Variants in CCSER1 observed in about 807,000 individuals in gnomAD.
CCSER1 encodes the protein coiled-coil serine rich protein 1.
Under a neutral mutation model 82.0 loss-of-function variants are expected in CCSER1, and 41 were observed. That is an observed-to-expected ratio of 0.50 (90% CI 0.39 to 0.65). The LOEUF is 0.65. Ranked by LOEUF, CCSER1 falls within the 30% of genes least tolerant of loss-of-function variation. CCSER1 has a pLI of 0.00. For synonymous variants in CCSER1, 414 were observed against 383.9 expected (o/e 1.08, Z -0.92); for missense variants, 1,119 against 1,064.2 (o/e 1.05, Z -0.72).
intron 9 of CCSER1, among the ~76,000 whole-genome samples, chr4:90,975,402 A>G (rs1735517803): frequency 6.6e-6 from 1 of 151,402 alleles, no homozygotes. Flanking sequence ...TTTACTATCT[A>G]TTGTACATAA....
chr4:91,517,673 C>G (rs200723348), intron 10 of CCSER1, among the ~76,000 whole-genome samples: 1 of 32,142 alleles, frequency 3.1e-5, no homozygotes, highest in Non-Finnish European at 6.7e-5. Context: ...CTAGTGCATT[C>G]ATTTGGAAGA....
intron 10 of CCSER1, among the ~76,000 whole-genome samples, chr4:91,144,938 T>G (rs1729403367): frequency 6.6e-6 from 1 of 152,096 alleles, no homozygotes; most frequent in Non-Finnish European, 1.5e-5. Flanking sequence ...CATTGTTTGA[T>G]TTTAGGTGGA....
chr4:90,405,402 G>A (rs992686325), intron 4 of CCSER1, among the ~76,000 whole-genome samples: 2 of 152,202 alleles, frequency 1.3e-5, no homozygotes, highest in East Asian at 3.9e-4. Flanking sequence ...GTGTTCCTGG[G>A]GCAGAAGAGA....
intron 7 of CCSER1, among the ~76,000 whole-genome samples, chr4:90,745,992 G>A (rs963595292): frequency 6.6e-6 from 1 of 151,944 alleles, no homozygotes; most frequent in Non-Finnish European, 1.5e-5. Context: ...GAGCCACCAC[G>A]CCCGGCCTCT....
At chr4:90,262,591 T>A in intron 1 of CCSER1, among the ~76,000 whole-genome samples, 1 of 152,208 alleles carries the variant, frequency 6.6e-6, no homozygotes, top group East Asian at 1.9e-4. Flanking sequence ...CGGGTAGGAA[T>A]CAGTTGTTGC....
chr4:91,488,060 A>AT (rs1408396511), intron 10 of CCSER1, among the ~76,000 whole-genome samples: 1 of 152,048 alleles, frequency 6.6e-6, no homozygotes, highest in Non-Finnish European at 1.5e-5. Context: ...AAATAACTAA[A>AT]TTTTTCACAT....
intron 9 of CCSER1, among the ~76,000 whole-genome samples, chr4:90,959,830 T>A (rs1733891142): frequency 6.6e-6 from 1 of 151,962 alleles, no homozygotes; most frequent in South Asian, 2.1e-4. Flanking sequence ...GCACCTCTCT[T>A]CTTGCCTGTG....
At chr4:91,339,451 G>C (rs1033211047) in intron 10 of CCSER1, among the ~76,000 whole-genome samples, 9 of 151,960 alleles carry the variant, frequency 5.9e-5, no homozygotes, top group African/African-American at 2.2e-4. Context: ...AGTTAATATG[G>C]GGGGGTAGGG....
At position 90,746,761 on chromosome 4, in the gene CCSER1, T is replaced by A. The variant is rs183709163; in HGVS notation, c.2010+22770T>A. Among the ~76,000 whole-genome samples the A allele has an allele frequency of 1.5e-4, 23 of 152,362 alleles. No homozygotes were observed. In the East Asian group the frequency reaches 4.2e-3, roughly 28 times the overall value. ...TTCCATAACCAAGCACTGAAAGTTT[T>A]AGGTACTGAAAACTGTCTGTTTGCT... On this transcript the variant is annotated intron_variant, in intron 7 of 10. Coordinates refer to ENST00000509176, the MANE Select transcript of CCSER1 (RefSeq NM_001145065.2).
intron 1 of CCSER1, among the ~76,000 whole-genome samples, chr4:90,244,105 G>T (rs1260044891): frequency 2.0e-5 from 3 of 152,078 alleles, no homozygotes; most frequent in Non-Finnish European, 2.9e-5. Context: ...ATTAGAAAAC[G>T]AGTTTCTTAA....
chr4:90,567,732 A>G (rs1326461454), intron 5 of CCSER1, among the ~76,000 whole-genome samples: 1 of 150,990 alleles, frequency 6.6e-6, no homozygotes, highest in Admixed American at 6.6e-5. Context: ...TCAGCCTCCC[A>G]AAGAGCTGGG....
At chr4:90,336,001 G>C (rs1740323470) in intron 3 of CCSER1, among the ~76,000 whole-genome samples, 1 of 152,104 alleles carries the variant, frequency 6.6e-6, no homozygotes, top group South Asian at 2.1e-4. Flanking sequence ...CCATTTCTAT[G>C]CCATGGATAC....
chr4:91,495,380 T>C (rs1758745554), intron 10 of CCSER1, among the ~76,000 whole-genome samples: 1 of 151,656 alleles, frequency 6.6e-6, no homozygotes, highest in South Asian at 2.1e-4. Flanking sequence ...ATTGCTTCTT[T>C]GATGCTTCTG....
intron 10 of CCSER1, among the ~76,000 whole-genome samples, chr4:91,112,089 C>A (rs1394567980): frequency 1.3e-5 from 2 of 151,986 alleles, no homozygotes; most frequent in Non-Finnish European, 2.9e-5. Flanking sequence ...TAACGTGTTT[C>A]TAAAAGTTAT....
chr4:90,859,625 T>G (rs1032685483), intron 8 of CCSER1, among the ~76,000 whole-genome samples: 3 of 151,936 alleles, frequency 2.0e-5, no homozygotes, highest in Non-Finnish European at 3.0e-5. Context: ...ATATAGCTAT[T>G]TATTTGCAAC....
intron 10 of CCSER1, among the ~76,000 whole-genome samples, chr4:91,394,874 T>C (rs1259046774): frequency 1.3e-5 from 2 of 151,694 alleles, no homozygotes; most frequent in African/African-American, 4.8e-5. Flanking sequence ...AAAATTAAAC[T>C]CTGATGAGTG....
At chr4:90,407,991 C>G (rs775600863) in intron 4 of CCSER1, among the ~76,000 whole-genome samples, 2 of 152,080 alleles carry the variant, frequency 1.3e-5, no homozygotes, top group South Asian at 2.1e-4. Context: ...GATTATATCC[C>G]GCGCATGGCT....
intron 8 of CCSER1, among the ~76,000 whole-genome samples, chr4:90,876,256 T>C (rs948289110): frequency 3.3e-5 from 5 of 152,068 alleles, no homozygotes; most frequent in African/African-American, 1.2e-4. Flanking sequence ...CCACCAAGAT[T>C]ATCATTCATT....
chr4:90,385,169 TG>T (rs1252751229), intron 3 of CCSER1, among the ~76,000 whole-genome samples: 1 of 152,194 alleles, frequency 6.6e-6, no homozygotes, highest in Non-Finnish European at 1.5e-5. Flanking sequence ...TTTGCAATTT[TG>T]AATTGTGCTG....
Sources: allele counts gnomAD v4.1 joint callset (sites outside exome capture counted in the v4.1 genomes callset), GRCh38; gene constraint gnomAD v4.1.1; transcripts MANE v1.5; gene names NCBI Gene and HGNC (gene_info 2026-07-23, HGNC 2026-07-21).